Variants in SP110 observed in about 807,000 individuals in gnomAD.
The protein encoded by SP110 is SP110 nuclear body protein.
A neutral mutation model predicts 92.7 loss-of-function variants in SP110; 62 were observed. The observed-to-expected ratio is 0.67, with a 90% CI of 0.55 to 0.83. SP110 has a LOEUF of 0.83. SP110 is among the 40% of genes least tolerant of loss of function. The pLI, the probability that SP110 is intolerant of heterozygous loss-of-function variation, is 0.00. For missense variants in SP110, 793 were observed against 863.9 expected, an observed-to-expected ratio of 0.92 and a Z score of 1.03; for synonymous variants, 273 against 305.3, an observed-to-expected ratio of 0.89 and a Z score of 1.10.
At chr2:230,184,810 C>T (rs2042282586) in intron 11 of SP110, among the ~76,000 whole-genome samples, 1 of 152,030 alleles carries the variant, frequency 6.6e-6, no homozygotes, top group South Asian at 2.1e-4. Context: ...AAATTGGTAA[C>T]GATAGGCTAG....
intron 15 of SP110, chr2:230,172,561 C>T (rs1299667057): frequency 1.3e-5 from 7 of 530,974 alleles, no homozygotes; most frequent in African/African-American, 1.9e-5. Context: ...TCCTGTCTTT[C>T]CTCAACAGGC....
upstream of SP110, among the ~76,000 whole-genome samples, chr2:230,220,949 C>T (rs2045761381): frequency 6.6e-6 from 1 of 151,706 alleles, no homozygotes; most frequent in Admixed American, 6.6e-5. Flanking sequence ...GAGTTCAAGG[C>T]TGCGGTGAGC....
Position 230,183,564 on chromosome 2 carries a change from T to C in SP110, c.1348+8A>G. Reference sequence around the variant, plus strand: ...CCAGTGGGGAGGCGCTGTGGCTTGCTTGCTTACCTCTTCGGTGAATATTTT... The same window carrying C: ...CCAGTGGGGAGGCGCTGTGGCTTGCCTGCTTACCTCTTCGGTGAATATTTT... On this transcript the variant is annotated splice_region_variant and intron_variant, in intron 12 of 18. Coordinates refer to ENST00000258381, the MANE Select transcript of SP110 (RefSeq NM_080424.4). 1 of 1,603,826 alleles carries C rather than the reference T, an allele frequency of 6.2e-7. No homozygotes were observed. The highest frequency in any genetic ancestry group is 8.5e-7 in the Non-Finnish European group (1 of 1,170,666).
upstream of SP110, among the ~76,000 whole-genome samples, chr2:230,224,671 C>G (rs935312138): frequency 6.6e-6 from 1 of 152,164 alleles, no homozygotes; most frequent in African/African-American, 2.4e-5. Context: ...CTGTATTTTG[C>G]AAACTTATGT....
intron 14 of SP110, chr2:230,173,441 G>A: frequency 5.0e-6 from 1 of 201,526 alleles, no homozygotes; most frequent in South Asian, 8.8e-5. Flanking sequence ...TTCCACAGTG[G>A]GCATGGATGC....
rs773164340 is a variant in SP110 at position 230,169,242 on chromosome 2, AAG to A, written c.2029-7_2029-6del. ...TACCTGGCCAAAGTCAGAAGCCTGA[AAG>A]AGAAAAAAGCAAACAAACACATTGA... On this transcript the variant is annotated splice_region_variant and splice_polypyrimidine_tract_variant and intron_variant, in intron 18 of 18. Coordinates refer to ENST00000258381, the MANE Select transcript of SP110 (RefSeq NM_080424.4). 1.6e-4 allele frequency: 244 copies of A among 1,497,258 alleles called. 1 individual carries two copies. The highest frequency in any genetic ancestry group is 2.3e-4 in the Non-Finnish European group (242 of 1,073,446). The allele number at this position is 1,497,258 out of a possible 1,614,324, so 92.7% of individuals were successfully genotyped here. A position where few individuals can be genotyped will look rare whatever the true frequency, so the allele number is the denominator to read the frequency against.
In SP110 at chr2:230,211,859, A is replaced by G. The variant is rs2044518477; in HGVS notation, c.668-306T>C. 6.6e-6 allele frequency among the ~76,000 whole-genome samples: 1 copy of G among 152,224 alleles called. No individual in the cohort carries two copies. The highest frequency in any genetic ancestry group is 1.5e-5 in the Non-Finnish European group (1 of 68,036). ...CTCAGTACTGGAGAGCTCAGAATCC[A>G]TGGTATCATTTTTGACAATGCCCAA... On this transcript the variant is annotated intron_variant, in intron 5 of 18. Transcript: ENST00000258381. The surrounding 1 kb of genome is among the most constrained non-coding windows in gnomAD (Gnocchi z 4.2).
rs554059620 is a variant in SP110 at position 230,171,856 on chromosome 2, A to G, written c.1816-89T>C. 17 of 1,025,086 alleles carry G rather than the reference A, an allele frequency of 1.7e-5. No homozygotes were observed. The African/African-American group carries it at 2.5e-4, about 15-fold the overall frequency. 63.5% of individuals were successfully genotyped at this position (1,025,086 alleles called of 1,614,324 possible). ...GTCTAGACATGCACACGGATGGGGC[A>G]GCCAAGCCCAGTCAGCATTCCAGCC... On this transcript the variant is annotated intron_variant, in intron 16 of 18. Coordinates refer to ENST00000258381, the MANE Select transcript of SP110 (RefSeq NM_080424.4).
chr2:230,216,753 TG>T, intron 2 of SP110, 27 bp downstream of exon 2: 1 of 1,613,060 alleles, frequency 6.2e-7, no homozygotes, highest in Non-Finnish European at 8.5e-7. Flanking sequence ...GGGGCTGGGC[TG>T]CCATGGAAGG....
At chr2:230,194,107 A>G (rs550657701) in intron 10 of SP110, among the ~76,000 whole-genome samples, 1 of 152,068 alleles carries the variant, frequency 6.6e-6, no homozygotes, top group Non-Finnish European at 1.5e-5. Context: ...TCTAGGCCAA[A>G]CCCCAAGATT....
rs923963679 is a variant in SP110 at position 230,211,084 on chromosome 2, C to G, written c.751+386G>C. Among the ~76,000 whole-genome samples the G allele has an allele frequency of 6.6e-6, 1 of 152,172 alleles. No homozygotes were observed. The highest frequency in any genetic ancestry group is 2.4e-5 in the African/African-American group (1 of 41,440). On this transcript the variant is annotated intron_variant, in intron 6 of 18. Transcript: ENST00000258381. This position sits in a 1 kb window ranked among gnomAD's most constrained non-coding sequence, Gnocchi z 4.2. The stretch of plus-strand genomic sequence containing the variant: ...CAGAAGAGTGGCTCTGTCAAACAGT[C>G]CAGCCTGACTCAGTTCCCTTGCTTT...
upstream of SP110, among the ~76,000 whole-genome samples, chr2:230,224,946 G>A (rs2046152260): frequency 6.6e-6 from 1 of 152,152 alleles, no homozygotes; most frequent in Non-Finnish European, 1.5e-5. Context: ...CTGATATAGT[G>A]TGTTTTTGTA....
At chr2:230,198,121 A>G (rs200707626) in intron 10 of SP110, among the ~76,000 whole-genome samples, 11 of 123,522 alleles carry the variant, frequency 8.9e-5, no homozygotes, top group African/African-American at 2.4e-4. Flanking sequence ...CCTCTGTAGG[A>G]CTGGAAGTCC....
At chr2:230,219,257 T>C (rs1183074979) in intron 1 of SP110, among the ~76,000 whole-genome samples, 2 of 151,992 alleles carry the variant, frequency 1.3e-5, no homozygotes. Flanking sequence ...CCAAAAAAAG[T>C]GTAAATGAAG....
chr2:230,216,183 A>G (rs1189324835), intron 2 of SP110, among the ~76,000 whole-genome samples: 4 of 152,224 alleles, frequency 2.6e-5, no homozygotes, highest in African/African-American at 9.6e-5. Flanking sequence ...TTGGATGGAT[A>G]TATCTCAGCC....
intron 8 of SP110, 63 bp from the exon 9 acceptor site, chr2:230,202,791 CCAAT>C: frequency 6.6e-7 from 1 of 1,508,506 alleles, no homozygotes; most frequent in Non-Finnish European, 9.2e-7. Flanking sequence ...TCCTACAGTC[CCAAT>C]CAGTGACTTC....
rs200893757 is a variant in SP110, at chr2:230,177,522, C to G, written c.1590+16G>C. 1.4e-5 allele frequency: 22 copies of G among 1,613,470 alleles called. No individual in the cohort carries two copies. In the Middle Eastern group the frequency reaches 9.9e-4, roughly 72 times the overall value. ...GGATTTAAACCTGTCACCTATCTGT[C>G]CCGTCATTATAATACCTTCAGCAGC... is the stretch of plus-strand genomic sequence containing the variant. On this transcript the variant is annotated intron_variant, in intron 14 of 18. Transcript: ENST00000258381.
intron 16 of SP110, 61 bp from the exon 17 acceptor site, chr2:230,171,828 AG>A: frequency 7.5e-7 from 1 of 1,326,622 alleles, no homozygotes. Context: ...AAGCCAGGCG[AG>A]TGTCTAGACA....
chr2:230,212,743 A>C lies in SP110; in HGVS notation c.583+18T>G, dbSNP rs374060817. On this transcript the variant is annotated intron_variant, in intron 4 of 18. Transcript: ENST00000258381. ...TAGGCTGAGGATATACAGGTGTTGG[A>C]TGGGATCTGTTTCTCACCTGAAGTG... 6.2e-7 allele frequency: 1 copy of C among 1,613,778 alleles called. No individual in the cohort carries two copies. Among genetic ancestry groups the C allele is most frequent in the East Asian group, 2.2e-5 (1 of 44,880 alleles).
Sources: gnomAD v4.1 joint callset for allele counts (sites outside exome capture counted in the v4.1 genomes callset) on GRCh38, gnomAD v4.1.1 for gene constraint, Gnocchi (gnomAD v3.1) non-coding constraint, MANE v1.5 for transcripts, NCBI Gene and HGNC (gene_info 2026-07-23, HGNC 2026-07-21) for gene names.